The following KDM2A variants were observed in gnomAD, a reference collection of about 807,000 sequenced individuals.
KDM2A encodes the protein lysine demethylase 2A.
In KDM2A, 3 loss-of-function variants were observed where a neutral mutation model predicts 137.3. The observed-to-expected ratio is 0.02, with a 90% CI of 0.01 to 0.06. The LOEUF is 0.06. Ranked by LOEUF, KDM2A falls within the 10% of genes least tolerant of loss-of-function variation. The pLI is 1.00. For synonymous variants in KDM2A, 512 were observed against 541.5 expected (o/e 0.95, Z 0.76); for missense variants, 738 against 1,510.6 (o/e 0.49, Z 8.48).
At chr11:67,173,328 A>G (rs999679183) in intron 2 of KDM2A, among the ~76,000 whole-genome samples, 1 of 152,136 alleles carries the variant, frequency 6.6e-6, no homozygotes, top group African/African-American at 2.4e-5. Flanking sequence ...CTCCGTGTTG[A>G]TCAGGCTGGT....
chr11:67,148,887 A>AATT (rs1162331462), intron 2 of KDM2A, among the ~76,000 whole-genome samples: 1 of 152,140 alleles, frequency 6.6e-6, no homozygotes, highest in Non-Finnish European at 1.5e-5. Flanking sequence ...TTTTGCCTAG[A>AATT]ATTAACCAAA....
chr11:67,139,532 A>G (rs1488123196), intron 2 of KDM2A, among the ~76,000 whole-genome samples: 1 of 151,982 alleles, frequency 6.6e-6, no homozygotes. Flanking sequence ...GGCGTGAGCC[A>G]CTGCACCCAG....
At chr11:67,147,370 G>A (rs1349502266) in intron 2 of KDM2A, among the ~76,000 whole-genome samples, 2 of 151,730 alleles carry the variant, frequency 1.3e-5, no homozygotes, top group East Asian at 1.9e-4. Flanking sequence ...GTGAAACCCC[G>A]TCTCTACTAA....
rs1055839349 is a variant in KDM2A at position 67,119,278 on chromosome 11, G to C, written c.-855G>C. On this transcript the variant is annotated 5_prime_UTR_variant, in exon 1 of 21. Transcript: ENST00000529006. The stretch of plus-strand genomic sequence containing the variant: ...AGCTGTGTGTATGTGAGAGTCTGAC[G>C]GGTTCAAAATGGCGGCGGCTGCTTC... 1.3e-5 allele frequency: 2 copies of C among 155,632 alleles called. No individual in the cohort carries two copies. Among genetic ancestry groups the C allele is most frequent in the Non-Finnish European group, 2.8e-5 (2 of 70,252 alleles). 9.6% of individuals were successfully genotyped at this position (155,632 alleles called of 1,614,324 possible).
At chr11:67,143,599 TTGTC>T (rs529755145) in intron 2 of KDM2A, among the ~76,000 whole-genome samples, 157 of 152,156 alleles carry the variant, frequency 1.0e-3, no homozygotes, top group Non-Finnish European at 1.6e-3. Context: ...AGTTTCGCTT[TTGTC>T]TGTCTGTCTT....
intron 12 of KDM2A, among the ~76,000 whole-genome samples, chr11:67,236,421 C>A (rs1189931376): frequency 6.6e-6 from 1 of 152,182 alleles, no homozygotes; most frequent in Non-Finnish European, 1.5e-5. Flanking sequence ...TGAGCCACCA[C>A]GCCCAGCCAC....
intron 12 of KDM2A, among the ~76,000 whole-genome samples, chr11:67,234,604 C>T (rs1371340628): frequency 1.3e-5 from 2 of 152,220 alleles, no homozygotes; most frequent in African/African-American, 4.8e-5. Context: ...CCCAGTGGCT[C>T]ACACCTCTTG....
chr11:67,227,138 T>G (rs1243995390), intron 10 of KDM2A, among the ~76,000 whole-genome samples: 3 of 152,006 alleles, frequency 2.0e-5, no homozygotes, highest in African/African-American at 7.3e-5. Flanking sequence ...GGAAAGAAAA[T>G]AAAGACAGTG....
intron 5 of KDM2A, among the ~76,000 whole-genome samples, chr11:67,201,209 T>A (rs1443353541): frequency 4.7e-4 from 21 of 44,922 alleles, no homozygotes; most frequent in South Asian, 4.1e-3. Flanking sequence ...AAAAAATATA[T>A]ATATATATAT....
intron 2 of KDM2A, among the ~76,000 whole-genome samples, chr11:67,170,912 C>G (rs1358272799): frequency 2.0e-5 from 3 of 152,108 alleles, no homozygotes; most frequent in Non-Finnish European, 2.9e-5. Context: ...ACTGTCAGCT[C>G]TAGAACCAAA....
intron 2 of KDM2A, among the ~76,000 whole-genome samples, chr11:67,177,068 G>A (rs1770191835): frequency 6.6e-6 from 1 of 152,102 alleles, no homozygotes; most frequent in Admixed American, 6.6e-5. Flanking sequence ...GACCAGCCTG[G>A]CCAACATGGC....
At position 67,245,793 on chromosome 11, in the gene KDM2A, A is replaced by G; in HGVS notation, c.1834-192A>G. The G allele has an allele frequency of 1.5e-6, 1 of 651,254 alleles. No homozygotes were observed. The highest frequency in any genetic ancestry group is 2.6e-6 in the Non-Finnish European group (1 of 388,280). 40.3% of individuals were successfully genotyped at this position (651,254 alleles called of 1,614,324 possible). On this transcript the variant is annotated intron_variant, in intron 14 of 20. Transcript: ENST00000529006. The surrounding 1 kb of genome is among the most constrained non-coding windows in gnomAD (Gnocchi z 4.1). ...GAAAATAAACTAGTCTCTGGTGCCC[A>G]GGTGGTTGAGTCCTCCTCTTCCCCA... is the stretch of plus-strand genomic sequence containing the variant.
At chr11:67,232,010 C>T (rs1858733213) in intron 12 of KDM2A, 50 bp downstream of exon 12, 1 of 1,521,968 alleles carries the variant, frequency 6.6e-7, no homozygotes, top group Non-Finnish European at 8.8e-7. Flanking sequence ...CTATGGCAGT[C>T]AGCTTCCAGA....
intron 12 of KDM2A, among the ~76,000 whole-genome samples, chr11:67,236,693 A>G (rs958456662): frequency 1.3e-5 from 2 of 152,152 alleles, no homozygotes; most frequent in Non-Finnish European, 2.9e-5. Context: ...TTTCTCCTCT[A>G]TAAAATATCT....
chr11:67,198,282 C>T (rs1053468241), intron 5 of KDM2A, among the ~76,000 whole-genome samples: 1 of 151,550 alleles, frequency 6.6e-6, no homozygotes, highest in Non-Finnish European at 1.5e-5. Context: ...AGAGTATGAG[C>T]GCACCTCATT....
At chr11:67,131,025 A>T (rs1380496728) in intron 2 of KDM2A, among the ~76,000 whole-genome samples, 2 of 152,108 alleles carry the variant, frequency 1.3e-5, no homozygotes, top group East Asian at 3.9e-4. Context: ...TCTCTTGTGT[A>T]CTTTATACAG....
intron 5 of KDM2A, among the ~76,000 whole-genome samples, chr11:67,184,035 CTGCAGTGATATG>C (rs1857147629): frequency 6.8e-6 from 1 of 146,166 alleles, no homozygotes; most frequent in Admixed American, 7.0e-5. Context: ...GAGGCTGAGA[CTGCAGTGATATG>C]TGATCACACC....
intron 9 of KDM2A, 84 bp downstream of exon 9, chr11:67,217,968 TATG>T (rs1858221695): frequency 2.5e-6 from 3 of 1,213,736 alleles, no homozygotes; most frequent in South Asian, 3.1e-5. Context: ...CAAGAATAGT[TATG>T]ATGCTGGGCG....
intron 5 of KDM2A, 151 bp from the exon 6 acceptor site, chr11:67,207,359 G>C (rs138807496): frequency 5.1e-4 from 266 of 522,130 alleles, no homozygotes; most frequent in African/African-American, 4.4e-3. Flanking sequence ...TTTGTGATTT[G>C]ATTATGATTG....
Sources: gnomAD v4.1 joint callset for allele counts (sites outside exome capture counted in the v4.1 genomes callset) on GRCh38, gnomAD v4.1.1 for gene constraint, Gnocchi (gnomAD v3.1) non-coding constraint, MANE v1.5 for transcripts, NCBI Gene and HGNC (gene_info 2026-07-23, HGNC 2026-07-21) for gene names.